The following GRAMD1B variants were observed in gnomAD, a reference collection of about 807,000 sequenced individuals.
The protein encoded by GRAMD1B is GRAM domain containing 1B.
GRAMD1B carries 37 observed loss-of-function variants against 99.7 expected under a neutral mutation model. The ratio of observed to expected loss-of-function variants is 0.37; its 90% CI spans 0.29 to 0.49. The LOEUF is 0.49. Ranked by LOEUF, GRAMD1B falls within the 20% of genes least tolerant of loss-of-function variation. GRAMD1B has a pLI of 0.98. For synonymous variants in GRAMD1B, 427 were observed against 387.6 expected, an observed-to-expected ratio of 1.10 and a Z score of -1.19; for missense variants, 888 against 1,009.2, an observed-to-expected ratio of 0.88 and a Z score of 1.63.
rs1297111681 is a variant in GRAMD1B, at chr11:123,591,252, C to T, written c.685-2830C>T. On this transcript the variant is annotated intron_variant, in intron 4 of 19. Coordinates refer to ENST00000635736, the MANE Select transcript of GRAMD1B (RefSeq NM_001387025.1). The surrounding 1 kb of genome is among the most constrained non-coding windows in gnomAD (Gnocchi z 4.7). ...GAGCAGAAAGGACACCTGTCAGAGT[C>T]ACACAGGCCCTCTGCTGAGAAACCA... 1.8e-5 allele frequency: 7 copies of T among 396,064 alleles called. No individual in the cohort carries two copies. The Admixed American group carries it at 2.2e-4, about 12-fold the overall frequency. The allele number at this position is 396,064 out of a possible 1,614,324, so 24.5% of individuals were successfully genotyped here.
chr11:123,488,932 G>A (rs557315169), intron 2 of GRAMD1B, among the ~76,000 whole-genome samples: 1 of 152,064 alleles, frequency 6.6e-6, no homozygotes. Flanking sequence ...AAATAGTTAG[G>A]GGGGGGCGGT....
intron 4 of GRAMD1B, among the ~76,000 whole-genome samples, chr11:123,593,881 T>C (rs915528078): frequency 2.6e-5 from 4 of 152,108 alleles, no homozygotes; most frequent in Non-Finnish European, 5.9e-5. Context: ...GGCTGCATAG[T>C]GTTTCCCAGC....
chr11:123,369,181 G>A lies in GRAMD1B; in HGVS notation c.-176+10382G>A, dbSNP rs111458079. 9.0e-3 allele frequency among the ~76,000 whole-genome samples: 1,363 copies of A among 151,920 alleles called. 13 individuals carry two copies. Among genetic ancestry groups the A allele is most frequent in the African/African-American group, 0.031 (1,288 of 41,430 alleles). On this transcript the variant is annotated intron_variant, in intron 1 of 20. Coordinates refer to the GRAMD1B transcript ENST00000638157. ...CCAGGCATGGTGGCATGCACCTGCA[G>A]TCTCAGCTACTTGGGAGGCTGAAGT... is the stretch of plus-strand genomic sequence containing the variant.
In GRAMD1B at chr11:123,622,525, A is replaced by T. The variant is rs1160222847; in HGVS notation, c.2564A>T (p.Asn855Ile). 1 of 1,556,094 alleles carries T rather than the reference A, an allele frequency of 6.4e-7. No homozygotes were observed. Among genetic ancestry groups the T allele is most frequent in the South Asian group, 1.2e-5 (1 of 84,292 alleles). Residue 855 changes from asparagine to isoleucine, a missense_variant, in exon 20 of 20, where the codon AAC becomes ATC. This residue lies in a region of GRAMD1B where 232 missense variants were observed against 261.7 expected (regional missense o/e 0.89). Transcript: ENST00000635736. ...LLDQMKDSLI[N>I]LQNGIRSRDY... ...TTGCAGATGAAGGACTCGCTCATCA[A>T]CCTTCAGAACGGCATCAGGTCCCGC... is the stretch of plus-strand genomic sequence containing the variant.
chr11:123,519,142 G>C (rs1941955165), intron 2 of GRAMD1B, among the ~76,000 whole-genome samples: 1 of 152,198 alleles, frequency 6.6e-6, no homozygotes, highest in Non-Finnish European at 1.5e-5. Flanking sequence ...GTGCATAAGG[G>C]TACCAAGGAC....
At chr11:123,408,124 G>A (rs904019436) in intron 1 of GRAMD1B, among the ~76,000 whole-genome samples, 7 of 152,194 alleles carry the variant, frequency 4.6e-5, no homozygotes, top group Admixed American at 2.0e-4. Flanking sequence ...TGACTGTGTA[G>A]CCTAATGGTA....
chr11:123,584,390 G>C, intron 4 of GRAMD1B, 58 bp downstream of exon 4: 1 of 1,014,842 alleles, frequency 9.9e-7, no homozygotes, highest in Non-Finnish European at 1.5e-6. Context: ...GGGGAATGGA[G>C]GTTGGGGGAA....
At chr11:123,582,011 C>T (rs527367376) in intron 3 of GRAMD1B, among the ~76,000 whole-genome samples, 9 of 152,350 alleles carry the variant, frequency 5.9e-5, no homozygotes, top group Middle Eastern at 3.4e-3. Flanking sequence ...ACGAAGGTCA[C>T]GGCATTGAGA....
intron 2 of GRAMD1B, among the ~76,000 whole-genome samples, chr11:123,528,089 C>T (rs1292980145): frequency 6.6e-6 from 1 of 152,092 alleles, no homozygotes; most frequent in African/African-American, 2.4e-5. Flanking sequence ...CATTTTGGTC[C>T]AGGGGCCAAA....
chr11:123,360,641 G>T (rs1168817823), intron 1 of GRAMD1B, among the ~76,000 whole-genome samples: 1 of 152,200 alleles, frequency 6.6e-6, no homozygotes, highest in Non-Finnish European at 1.5e-5. Flanking sequence ...CCAAGCTGGG[G>T]TGCCAATTTG....
intron 4 of GRAMD1B, among the ~76,000 whole-genome samples, chr11:123,588,705 A>G (rs892962000): frequency 2.6e-5 from 4 of 152,190 alleles, no homozygotes; most frequent in African/African-American, 9.7e-5. Context: ...GCAACCAGGT[A>G]CTGACACGCC....
At chr11:123,429,809 C>T (rs1346161008), upstream of GRAMD1B, among the ~76,000 whole-genome samples, 1 of 152,184 alleles carries the variant, frequency 6.6e-6, no homozygotes, top group African/African-American at 2.4e-5. The surrounding 1 kb of genome is among the most constrained non-coding windows in gnomAD (Gnocchi z 4.0). Flanking sequence ...CCTCCAGCAA[C>T]CTTGCTTTCC....
At chr11:123,451,849 ATG>A (rs777247108) in intron 1 of GRAMD1B, among the ~76,000 whole-genome samples, 14,344 of 150,916 alleles carry the variant, frequency 0.095, 767 homozygotes, top group African/African-American at 0.13. Context: ...ATATATATAT[ATG>A]TATGTATGGT....
At chr11:123,385,861 G>A (rs1417101598) in intron 1 of GRAMD1B, among the ~76,000 whole-genome samples, 1 of 152,174 alleles carries the variant, frequency 6.6e-6, no homozygotes, top group African/African-American at 2.4e-5. Context: ...GCCACTGTGA[G>A]TCTGTGTGTG....
chr11:123,464,069 A>G (rs867968251), intron 1 of GRAMD1B, among the ~76,000 whole-genome samples: 14 of 152,176 alleles, frequency 9.2e-5, no homozygotes, highest in African/African-American at 3.1e-4. Flanking sequence ...TTGGGAGGCC[A>G]AGGTGGGAGG....
chr11:123,608,407 CCAAA>C (rs1225499638), intron 11 of GRAMD1B: 5 of 1,182,778 alleles, frequency 4.2e-6, no homozygotes, highest in Non-Finnish European at 5.8e-6. Flanking sequence ...TCGTACATTC[CCAAA>C]CACTTTGTAA....
At chr11:123,382,551 T>C (rs961369759) in intron 1 of GRAMD1B, among the ~76,000 whole-genome samples, 1 of 152,196 alleles carries the variant, frequency 6.6e-6, no homozygotes, top group African/African-American at 2.4e-5. Flanking sequence ...GACCTTGCAG[T>C]TGCTTGATTT....
chr11:123,378,555 G>A (rs979525860), intron 1 of GRAMD1B, among the ~76,000 whole-genome samples: 8 of 152,274 alleles, frequency 5.3e-5, no homozygotes, highest in Admixed American at 2.0e-4. Context: ...GGAATGTATG[G>A]GGAAATGGTA....
At chr11:123,419,517 G>C (rs1042621627) in intron 1 of GRAMD1B, among the ~76,000 whole-genome samples, 14 of 152,286 alleles carry the variant, frequency 9.2e-5, no homozygotes, top group African/African-American at 3.4e-4. Flanking sequence ...TCTAGTCCAA[G>C]CTACTTTGTA....
Sources: gnomAD v4.1 joint callset for allele counts (sites outside exome capture counted in the v4.1 genomes callset) on GRCh38, gnomAD v4.1.1 for gene constraint, gnomAD v4.1.1 regional missense constraint, Gnocchi (gnomAD v3.1) non-coding constraint, MANE v1.5 for transcripts, NCBI Gene and HGNC (gene_info 2026-07-23, HGNC 2026-07-21) for gene names.